The following ATP9A variants were observed in gnomAD, a reference collection of about 807,000 sequenced individuals.
The protein encoded by ATP9A is probable phospholipid-transporting ATPase IIA.
A neutral mutation model predicts 144.1 loss-of-function variants in ATP9A; 52 were observed. That is an observed-to-expected ratio of 0.36 (90% CI 0.29 to 0.45). ATP9A has a LOEUF of 0.45. Ranked by LOEUF, ATP9A falls within the 20% of genes least tolerant of loss-of-function variation. The probability of loss-of-function intolerance (pLI) is 1.00; values close to 1 mark genes in which losing one functional copy is unlikely to be tolerated. For missense variants in ATP9A, 947 were observed against 1,392.7 expected (o/e 0.68, Z 5.09); for synonymous variants, 582 against 557.4 (o/e 1.04, Z -0.62).
chr20:51,621,941 C>T lies in ATP9A; in HGVS notation c.2115+133G>A, dbSNP rs1445715445. On this transcript the variant is annotated intron_variant, in intron 19 of 27. Coordinates refer to ENST00000338821, the MANE Select transcript of ATP9A (RefSeq NM_006045.3). ...CATTAATCATCCCATCCAAAGCAAC[C>T]GTGGTTGATGCTCCCCACCCTAGGT... The T allele has an allele frequency of 9.5e-6, 7 of 733,392 alleles. No homozygotes were observed. In the East Asian group the frequency reaches 1.1e-4, roughly 11 times the overall value. 45.4% of individuals were successfully genotyped at this position (733,392 alleles called of 1,614,324 possible). A position where few individuals can be genotyped will look rare whatever the true frequency, so the allele number is the denominator to read the frequency against.
chr20:51,744,759 C>A (rs780513339), intron 1 of ATP9A, among the ~76,000 whole-genome samples: 19 of 152,228 alleles, frequency 1.2e-4, no homozygotes, highest in Non-Finnish European at 2.4e-4. Context: ...GACACACCAA[C>A]CTTCCAGGAA....
At chr20:51,722,025 A>T (rs957073881) in intron 3 of ATP9A, among the ~76,000 whole-genome samples, 1 of 152,106 alleles carries the variant, frequency 6.6e-6, no homozygotes, top group Non-Finnish European at 1.5e-5. Context: ...GAGAACCCAG[A>T]AATAAACCCA....
intron 1 of ATP9A, among the ~76,000 whole-genome samples, chr20:51,759,525 T>C (rs946120873): frequency 2.6e-5 from 4 of 151,836 alleles, no homozygotes; most frequent in African/African-American, 9.7e-5. Flanking sequence ...CCACAAAAAT[T>C]AGCTAGGCGT....
chr20:51,646,787 G>C (rs890415903), intron 14 of ATP9A, among the ~76,000 whole-genome samples: 3 of 151,872 alleles, frequency 2.0e-5, no homozygotes, highest in African/African-American at 7.3e-5. Context: ...ACAAAACACA[G>C]CCTGCTAGGA....
At position 51,674,245 on chromosome 20, in the gene ATP9A, C is replaced by A. The variant is rs746657998; in HGVS notation, c.945G>T (p.Ser315=). 6 of 1,613,798 alleles carry A rather than the reference C, an allele frequency of 3.7e-6. No individual in the cohort carries two copies. In the African/African-American group the frequency reaches 4.0e-5, roughly 11 times the overall value. Reference sequence around the variant, plus strand: ...AGTGCTGAAGGGCAACCATGACCAGCGAGACCACCACCAGGGCACCAAAGA... The same window carrying A: ...AGTGCTGAAGGGCAACCATGACCAGAGAGACCACCACCAGGGCACCAAAGA... ...KILFGALVVV[S]LVMVALQHFA... is the part of the protein sequence containing the mutation. Residue 315 remains serine, a synonymous_variant, in exon 11 of 28, where the codon TCG becomes TCT. Transcript: ENST00000338821.
chr20:51,693,271 T>C (rs1426463121), intron 7 of ATP9A, among the ~76,000 whole-genome samples: 1 of 152,072 alleles, frequency 6.6e-6, no homozygotes, highest in Admixed American at 6.5e-5. Context: ...AAAAGCTCAG[T>C]GGAGTGCGGA....
rs145360429 is a variant in ATP9A at position 51,696,684 on chromosome 20, G to T, written c.496-540C>A. 7.6e-3 allele frequency among the ~76,000 whole-genome samples: 1,161 copies of T among 152,336 alleles called. 12 individuals carry two copies. Among genetic ancestry groups the T allele is most frequent in the Non-Finnish European group, 0.012 (841 of 68,036 alleles). On this transcript the variant is annotated intron_variant, in intron 5 of 27. Transcript: ENST00000338821. ...AAAGTATGTGATAACATAGATGGGG[G>T]TTGTGTGGTTCTTCTGAGCTGCCAC...
rs370406578 is a variant in ATP9A at position 51,725,664 on chromosome 20, C to T, written c.327+155G>A. On this transcript the variant is annotated intron_variant, in intron 3 of 27. Transcript: ENST00000338821. ...GGCGGTATATGAAATGGAGCTTCAA[C>T]GTTAAAGTCTCAGAGACTCCCAATG... 3.9e-4 allele frequency among the ~76,000 whole-genome samples: 60 copies of T among 152,304 alleles called. 1 individual carries two copies. The East Asian group carries it at 4.6e-3, about 12-fold the overall frequency.
At chr20:51,629,427 T>A (rs1042609728) in intron 15 of ATP9A, among the ~76,000 whole-genome samples, 2 of 152,194 alleles carry the variant, frequency 1.3e-5, no homozygotes, top group African/African-American at 4.8e-5. Context: ...ACTGAAAGAA[T>A]AGGGAAGATA....
chr20:51,684,180 G>C (rs1352324832), intron 9 of ATP9A, among the ~76,000 whole-genome samples: 1 of 152,032 alleles, frequency 6.6e-6, no homozygotes, highest in Admixed American at 6.6e-5. Flanking sequence ...TCAAGACCCT[G>C]TCTTGAAATG....
At chr20:51,737,822 C>T (rs912394257) in intron 1 of ATP9A, among the ~76,000 whole-genome samples, 18 of 152,012 alleles carry the variant, frequency 1.2e-4, no homozygotes, top group Non-Finnish European at 4.4e-5. Flanking sequence ...GGATACAAAA[C>T]CAAACACCTC....
rs144821831 is a variant in ATP9A, at chr20:51,624,470, G to A, written c.2016+722C>T. On this transcript the variant is annotated intron_variant, in intron 18 of 27. Transcript: ENST00000338821. The stretch of plus-strand genomic sequence containing the variant: ...AACTCCTAGTATTTTTTTTTGGGTC[G>A]CCACTGGTAGAGTGCAAAATGCTAA... 5.3e-5 allele frequency among the ~76,000 whole-genome samples: 8 copies of A among 151,992 alleles called. No individual in the cohort carries two copies. In the East Asian group the frequency reaches 5.8e-4, roughly 11 times the overall value.
Position 51,745,303 on chromosome 20 carries a change from C to T in ATP9A, c.69-15325G>A, listed in dbSNP as rs556320021. Among the ~76,000 whole-genome samples the T allele has an allele frequency of 6.8e-5, 10 of 146,270 alleles. No individual in the cohort carries two copies. The South Asian group carries it at 1.7e-3, about 25-fold the overall frequency. ...AAAAAAAATTAGCTGGGCATGGTGG[C>T]GGGTGCCTGTAGTCCCAGCTATTGG... On this transcript the variant is annotated intron_variant, in intron 1 of 27. Transcript: ENST00000338821.
chr20:51,658,182 G>A (rs866567018), intron 13 of ATP9A, among the ~76,000 whole-genome samples: 8 of 152,168 alleles, frequency 5.3e-5, no homozygotes, highest in South Asian at 2.1e-4. Context: ...AGGAGTGGCC[G>A]GGCACGGTGG....
In ATP9A at chr20:51,597,023, A is replaced by C. The variant is rs1374149362; in HGVS notation, c.*4188T>G. On this transcript the variant is annotated 3_prime_UTR_variant, in exon 28 of 28. Coordinates refer to ENST00000338821, the MANE Select transcript of ATP9A (RefSeq NM_006045.3). ...AGAGATCAACCAATGAGGAAATCACAGACTCTTACATGAGTTTACAGTTAA... is the reference window on the plus strand; with the variant it reads ...AGAGATCAACCAATGAGGAAATCACCGACTCTTACATGAGTTTACAGTTAA... 6.6e-6 allele frequency: 1 copy of C among 152,244 alleles called. No homozygotes were observed. The highest frequency in any genetic ancestry group is 1.5e-5 in the Non-Finnish European group (1 of 68,040). 9.4% of individuals were successfully genotyped at this position (152,244 alleles called of 1,614,324 possible).
intron 13 of ATP9A, among the ~76,000 whole-genome samples, chr20:51,658,573 G>A (rs939069821): frequency 2.1e-5 from 3 of 142,316 alleles, no homozygotes; most frequent in Admixed American, 1.5e-4. Context: ...AGGCTGGAGT[G>A]CAGTGGCATG....
intron 13 of ATP9A, among the ~76,000 whole-genome samples, chr20:51,669,698 G>C (rs965581994): frequency 2.6e-5 from 4 of 152,126 alleles, no homozygotes; most frequent in African/African-American, 9.7e-5. Context: ...CTGAAGATAG[G>C]GAAGATGGGG....
At chr20:51,608,457 GGGAA>G (rs1458392029) in intron 25 of ATP9A, 57 bp downstream of exon 25, 16 of 1,073,746 alleles carry the variant, frequency 1.5e-5, no homozygotes, top group South Asian at 2.5e-5. Context: ...CAGGGAGGGA[GGGAA>G]GGAAGGGAAA....
chr20:51,700,865 A>C (rs1244669741), intron 4 of ATP9A, among the ~76,000 whole-genome samples: 1 of 152,110 alleles, frequency 6.6e-6, no homozygotes, highest in Non-Finnish European at 1.5e-5. Context: ...CGAAAGAAAG[A>C]GAGAAATGGG....
Sources: allele counts gnomAD v4.1 joint callset (sites outside exome capture counted in the v4.1 genomes callset), GRCh38; gene constraint gnomAD v4.1.1; transcripts MANE v1.5; gene names NCBI Gene and HGNC (gene_info 2026-07-23, HGNC 2026-07-21).